CSMD2: variants seen among roughly 807,000 people sequenced by gnomAD.
CSMD2 encodes the protein CUB and Sushi multiple domains 2, also known as CUB and sushi domain-containing protein 2.
In CSMD2, 130 loss-of-function variants were observed where a neutral mutation model predicts 398.5. The ratio of observed to expected loss-of-function variants is 0.33; its 90% CI spans 0.28 to 0.38. CSMD2 has a LOEUF of 0.38. Ranked by LOEUF, CSMD2 falls within the 10% of genes least tolerant of loss-of-function variation. The pLI is 1.00. For synonymous variants in CSMD2, 1,828 were observed against 1,908.5 expected (o/e 0.96, Z 1.10); for missense variants, 3,829 against 4,764.9 (o/e 0.80, Z 5.78).
At chr1:33,590,595 T>TCA (rs10611040) in intron 44 of CSMD2, among the ~76,000 whole-genome samples, 27,306 of 137,376 alleles carry the variant, frequency 0.2, 2,780 homozygotes, top group Middle Eastern at 0.3. Context: ...CTATTTCCCA[T>TCA]CACACACACA....
chr1:34,065,538 C>T (rs1305795620), intron 2 of CSMD2, among the ~76,000 whole-genome samples: 2 of 152,160 alleles, frequency 1.3e-5, no homozygotes, highest in African/African-American at 4.8e-5. Flanking sequence ...GACTTTGGAA[C>T]CAGCAGAGCT....
intron 6 of CSMD2, among the ~76,000 whole-genome samples, chr1:33,835,785 T>TA (rs1660174242): frequency 6.6e-6 from 1 of 152,134 alleles, no homozygotes; most frequent in African/African-American, 2.4e-5. Flanking sequence ...TCAAGGTTTT[T>TA]AACTTCTTTG....
intron 12 of CSMD2, among the ~76,000 whole-genome samples, chr1:33,787,315 T>C (rs1414146764): frequency 6.6e-6 from 1 of 152,184 alleles, no homozygotes; most frequent in Non-Finnish European, 1.5e-5. Flanking sequence ...TGTGTACCTG[T>C]ACCCAGTTTC....
chr1:33,937,198 C>T (rs971311555), intron 3 of CSMD2, among the ~76,000 whole-genome samples: 1 of 152,150 alleles, frequency 6.6e-6, no homozygotes, highest in African/African-American at 2.4e-5. Context: ...TGAATCTAAC[C>T]CTCGGTACAG....
intron 2 of CSMD2, among the ~76,000 whole-genome samples, chr1:34,052,305 G>A (rs976132209): frequency 1.5e-4 from 22 of 151,442 alleles, no homozygotes; most frequent in Middle Eastern, 3.4e-3. Flanking sequence ...TTAAAACAAC[G>A]CAGTACAATT....
At chr1:33,609,809 G>A (rs1055163712) in intron 41 of CSMD2, among the ~76,000 whole-genome samples, 1 of 152,146 alleles carries the variant, frequency 6.6e-6, no homozygotes, top group Non-Finnish European at 1.5e-5. Context: ...GCATAGGGTA[G>A]TGACAGGATG....
chr1:33,682,860 G>A (rs986077576), intron 25 of CSMD2, among the ~76,000 whole-genome samples: 3 of 152,062 alleles, frequency 2.0e-5, no homozygotes, highest in East Asian at 1.9e-4. Flanking sequence ...TTTTCATCAC[G>A]TTGTATCTAA....
At chr1:33,723,671 G>T (rs938325826) in intron 19 of CSMD2, among the ~76,000 whole-genome samples, 10 of 152,332 alleles carry the variant, frequency 6.6e-5, no homozygotes, top group African/African-American at 2.4e-4. Context: ...ATGCAAGAAG[G>T]GGATCGCTGT....
At chr1:33,613,997 G>A (rs1641216463) in intron 40 of CSMD2, among the ~76,000 whole-genome samples, 1 of 152,050 alleles carries the variant, frequency 6.6e-6, no homozygotes, top group Non-Finnish European at 1.5e-5. Flanking sequence ...CCAGTCTCTA[G>A]GCCAGCTAGA....
intron 15 of CSMD2, among the ~76,000 whole-genome samples, chr1:33,727,753 G>T (rs146699212): frequency 6.6e-6 from 1 of 152,176 alleles, no homozygotes; most frequent in Non-Finnish European, 1.5e-5. Flanking sequence ...TGTAGCTTCA[G>T]TGGTCTGTGT....
intron 2 of CSMD2, among the ~76,000 whole-genome samples, chr1:34,087,981 TGCCCCCC>T (rs1658104036): frequency 6.6e-6 from 1 of 152,020 alleles, no homozygotes; most frequent in African/African-American, 2.4e-5. Flanking sequence ...GGGCCCCAGA[TGCCCCCC>T]CGCCTCTGCT....
At chr1:34,142,868 T>C (rs1639433278) in intron 1 of CSMD2, among the ~76,000 whole-genome samples, 1 of 152,200 alleles carries the variant, frequency 6.6e-6, no homozygotes, top group Non-Finnish European at 1.5e-5. Flanking sequence ...TACATGAAGA[T>C]GATATTATCA....
At chr1:33,802,268 C>A (rs114530295) in intron 10 of CSMD2, among the ~76,000 whole-genome samples, 2 of 152,292 alleles carry the variant, frequency 1.3e-5, no homozygotes, top group African/African-American at 2.4e-5. Flanking sequence ...TTCCTTGAAT[C>A]TATGAAGTTT....
intron 29 of CSMD2, among the ~76,000 whole-genome samples, chr1:33,645,376 CACACACACACACACACAT>C (rs1388416277): frequency 6.0e-5 from 9 of 150,842 alleles, no homozygotes; most frequent in African/African-American, 2.2e-4. Context: ...CACACACACA[CACACACACACACACACAT>C]ATATAAAATA....
intron 19 of CSMD2, among the ~76,000 whole-genome samples, chr1:33,721,276 T>G (rs561555283): frequency 2.2e-4 from 34 of 152,342 alleles, no homozygotes; most frequent in African/African-American, 8.2e-4. Flanking sequence ...TGGTTTAGGC[T>G]GTCTACTACC....
intron 21 of CSMD2, 45 bp downstream of exon 21, chr1:33,714,541 GT>G (rs1489959450): frequency 1.3e-6 from 2 of 1,593,954 alleles, no homozygotes; most frequent in African/African-American, 2.7e-5. Context: ...ACTATAATCT[GT>G]CCCACCCCAT....
chr1:33,694,887 G>C (rs1041582086), intron 24 of CSMD2, among the ~76,000 whole-genome samples: 1 of 152,162 alleles, frequency 6.6e-6, no homozygotes, highest in African/African-American at 2.4e-5. Context: ...CAGGACCTCT[G>C]CTGGCTGCCA....
chr1:33,825,675 G>A (rs551806959), intron 7 of CSMD2, 22 bp downstream of exon 7: 48 of 1,565,438 alleles, frequency 3.1e-5, no homozygotes, highest in African/African-American at 1.2e-4. Flanking sequence ...CCCGGCAGGC[G>A]GGCTGGCGGG....
Position 33,569,942 on chromosome 1 carries a change from GC to G in CSMD2, c.7958-396del, listed in dbSNP as rs536625308. The stretch of plus-strand genomic sequence containing the variant: ...CAATTTCCTTGCCCTTCTTTTCTGA[GC>G]CCAGCAGCCTCACACTCTTTGTCAA... On this transcript the variant is annotated intron_variant, in intron 51 of 70. Transcript: ENST00000373381. 4.7e-4 allele frequency among the ~76,000 whole-genome samples: 71 copies of G among 152,272 alleles called. 2 individuals are homozygous for G. The highest frequency in any genetic ancestry group is 1.7e-3 in the African/African-American group (69 of 41,554).
Sources: gnomAD v4.1 joint callset for allele counts (sites outside exome capture counted in the v4.1 genomes callset) on GRCh38, gnomAD v4.1.1 for gene constraint, MANE v1.5 for transcripts, NCBI Gene and HGNC (gene_info 2026-07-23, HGNC 2026-07-21) for gene names.